The following NAV2 variants were observed in gnomAD, a reference collection of about 807,000 sequenced individuals.
NAV2 encodes the protein neuron navigator 2.
Under a neutral mutation model 223.2 loss-of-function variants are expected in NAV2, and 54 were observed. The observed-to-expected ratio is 0.24, with a 90% CI of 0.19 to 0.30. The LOEUF (loss-of-function observed/expected upper bound fraction) is 0.30, where lower values mean the gene tolerates loss of function less well. Among genes scored for constraint, NAV2 ranks in the 10% least tolerant of loss-of-function variants. The pLI, the probability that NAV2 is intolerant of heterozygous loss-of-function variation, is 1.00. For synonymous variants in NAV2, 1,279 were observed against 1,239.3 expected (o/e 1.03, Z -0.67); for missense variants, 2,806 against 3,147.5 (o/e 0.89, Z 2.60).
chr11:19,556,581 A>T (rs1048489546), intron 1 of NAV2, among the ~76,000 whole-genome samples: 12 of 152,252 alleles, frequency 7.9e-5, no homozygotes, highest in Admixed American at 5.9e-4. Flanking sequence ...ATAGAATTTC[A>T]AAGAAAACCA....
At chr11:19,962,828 C>T (rs2048447316) in intron 10 of NAV2, among the ~76,000 whole-genome samples, 2 of 152,212 alleles carry the variant, frequency 1.3e-5, no homozygotes, top group South Asian at 4.1e-4. Flanking sequence ...ACCTATAAAT[C>T]AAGCCCACAT....
intron 10 of NAV2, among the ~76,000 whole-genome samples, chr11:19,961,816 T>C (rs1449896096): frequency 6.6e-6 from 1 of 152,056 alleles, no homozygotes; most frequent in Admixed American, 6.5e-5. Flanking sequence ...TAGTCTTTTA[T>C]TTTATTTAGG....
At chr11:19,590,959 C>T (rs2046042794) in intron 1 of NAV2, among the ~76,000 whole-genome samples, 1 of 152,176 alleles carries the variant, frequency 6.6e-6, no homozygotes, top group Admixed American at 6.5e-5. Context: ...TACAGACATA[C>T]TGATGAAATA....
chr11:19,780,606 A>C (rs1388725822), intron 1 of NAV2, among the ~76,000 whole-genome samples: 1 of 152,262 alleles, frequency 6.6e-6, no homozygotes, highest in Non-Finnish European at 1.5e-5. Context: ...GACATGGGCC[A>C]GTTGCTTTAC....
intron 1 of NAV2, among the ~76,000 whole-genome samples, chr11:19,424,697 T>TCATACAAAAAATA (rs1850754393): frequency 2.0e-5 from 3 of 151,714 alleles, no homozygotes; most frequent in African/African-American, 7.3e-5. Flanking sequence ...TATAGGTGCC[T>TCATACAAAAAATA]GCCACACGTC....
At chr11:19,545,149 G>A (rs2044458431) in intron 1 of NAV2, among the ~76,000 whole-genome samples, 1 of 152,200 alleles carries the variant, frequency 6.6e-6, no homozygotes, top group South Asian at 2.1e-4. Context: ...GCACACCACA[G>A]CCCTCCACGC....
intron 7 of NAV2, 150 bp downstream of exon 7, chr11:19,934,427 A>G: frequency 5.3e-6 from 5 of 946,180 alleles, no homozygotes; most frequent in Non-Finnish European, 7.4e-6. Context: ...TCCTAAGAGA[A>G]GCAGACACAA....
chr11:19,547,962 G>T (rs771982501), intron 1 of NAV2, among the ~76,000 whole-genome samples: 3 of 152,184 alleles, frequency 2.0e-5, no homozygotes, highest in Non-Finnish European at 4.4e-5. Flanking sequence ...GATGGGTAAA[G>T]GTGATTTACA....
chr11:20,000,369 G>C (rs1209252371), intron 11 of NAV2, among the ~76,000 whole-genome samples: 1 of 152,180 alleles, frequency 6.6e-6, no homozygotes, highest in African/African-American at 2.4e-5. Context: ...TGGAAGTAAA[G>C]ATCAGAACCA....
intron 8 of NAV2, among the ~76,000 whole-genome samples, chr11:19,942,928 A>G (rs2046520519): frequency 6.6e-6 from 1 of 152,204 alleles, no homozygotes; most frequent in South Asian, 2.1e-4. Flanking sequence ...GGCTGCATTG[A>G]GCTGTGATCA....
At chr11:19,419,146 C>T (rs1405162425) in intron 1 of NAV2, among the ~76,000 whole-genome samples, 2 of 152,166 alleles carry the variant, frequency 1.3e-5, no homozygotes, top group Non-Finnish European at 2.9e-5. Context: ...GTTTGGGTGC[C>T]TTCCCTTTCT....
At chr11:19,829,954 C>T (rs747481425) in intron 1 of NAV2, among the ~76,000 whole-genome samples, 1 of 152,162 alleles carries the variant, frequency 6.6e-6, no homozygotes, top group Admixed American at 6.5e-5. Context: ...GGACCGGGTG[C>T]GGTGGCTCAC....
chr11:20,070,576 A>G (rs2059337214), intron 22 of NAV2, among the ~76,000 whole-genome samples: 1 of 152,106 alleles, frequency 6.6e-6, no homozygotes, highest in Non-Finnish European at 1.5e-5. Context: ...TTTTAAAGTA[A>G]ATATTTAGTC....
At chr11:19,885,745 G>A (rs955935863) in intron 5 of NAV2, among the ~76,000 whole-genome samples, 1 of 152,190 alleles carries the variant, frequency 6.6e-6, no homozygotes, top group African/African-American at 2.4e-5. Context: ...AGATATCCAA[G>A]TGAAGTGTAC....
intron 10 of NAV2, among the ~76,000 whole-genome samples, chr11:19,977,339 G>A (rs902290228): frequency 1.3e-5 from 2 of 152,246 alleles, no homozygotes; most frequent in African/African-American, 4.8e-5. Flanking sequence ...ACTGAGAAAG[G>A]CATTGTCACC....
At chr11:19,863,586 C>T (rs984654797) in intron 3 of NAV2, among the ~76,000 whole-genome samples, 2 of 152,144 alleles carry the variant, frequency 1.3e-5, no homozygotes, top group African/African-American at 2.4e-5. Context: ...AGACAAAAAA[C>T]CCTATCCATG....
At chr11:19,758,566 T>C (rs899058680) in intron 1 of NAV2, among the ~76,000 whole-genome samples, 3 of 152,076 alleles carry the variant, frequency 2.0e-5, no homozygotes, top group African/African-American at 7.2e-5. Context: ...GAAGGAGACA[T>C]GATGGCCAAG....
intron 1 of NAV2, among the ~76,000 whole-genome samples, chr11:19,538,989 T>A (rs1241463350): frequency 1.3e-5 from 2 of 152,192 alleles, no homozygotes; most frequent in Non-Finnish European, 2.9e-5. Flanking sequence ...GAACAGAGCC[T>A]GGCATATAAT....
intron 31 of NAV2, among the ~76,000 whole-genome samples, chr11:20,099,911 A>G (rs1470253): frequency 0.29 from 44,285 of 152,002 alleles, 7,887 homozygotes; most frequent in East Asian, 0.88. Flanking sequence ...TGTACACTAC[A>G]TCAAGCTCAG....
Sources: gnomAD v4.1 joint callset for allele counts (sites outside exome capture counted in the v4.1 genomes callset) on GRCh38, gnomAD v4.1.1 for gene constraint, MANE v1.5 for transcripts, NCBI Gene and HGNC (gene_info 2026-07-23, HGNC 2026-07-21) for gene names.